Variants in ANO10 observed in about 807,000 individuals in gnomAD.
ANO10 encodes the protein anoctamin 10, also known as anoctamin-10.
ANO10 carries 77 observed loss-of-function variants against 74.7 expected under a neutral mutation model. The observed-to-expected ratio is 1.03, with a 90% CI of 0.86 to 1.25. ANO10 has a LOEUF of 1.25. Among genes scored for constraint, ANO10 ranks in the 50% most tolerant of loss-of-function variants. The pLI is 0.00. For synonymous variants in ANO10, 279 were observed against 284.9 expected (o/e 0.98, Z 0.21); for missense variants, 721 against 778.1 (o/e 0.93, Z 0.87).
At chr3:43,553,794 C>CA (rs1446983297) in intron 10 of ANO10, among the ~76,000 whole-genome samples, 1 of 152,152 alleles carries the variant, frequency 6.6e-6, no homozygotes, top group Admixed American at 6.5e-5. Flanking sequence ...CTTGGCCTCC[C>CA]AAAGTGCTGG....
At chr3:43,507,153 C>T (rs1034548940) in intron 11 of ANO10, among the ~76,000 whole-genome samples, 1 of 152,174 alleles carries the variant, frequency 6.6e-6, no homozygotes, top group East Asian at 1.9e-4. Context: ...ATCTTTTTAT[C>T]TACCCAAGAG....
At chr3:43,665,082 T>G (rs554327527) in intron 1 of ANO10, among the ~76,000 whole-genome samples, 1 of 152,324 alleles carries the variant, frequency 6.6e-6, no homozygotes, top group African/African-American at 2.4e-5. Context: ...ACATGTATGT[T>G]TACTGTGGCA....
Position 43,368,638 on chromosome 3 carries a change from G to C in ANO10, c.1915-1664C>G, listed in dbSNP as rs566880508. On this transcript the variant is annotated intron_variant, in intron 12 of 12. Coordinates refer to ENST00000292246, the MANE Select transcript of ANO10 (RefSeq NM_018075.5). ...AATATTTCAGCCCAGGTTCACTGCA[G>C]ACTCTTCTAGCTGTTATCATTTAAT... 3.3e-5 allele frequency among the ~76,000 whole-genome samples: 5 copies of C among 151,606 alleles called. No homozygotes were observed. The South Asian group carries it at 1.0e-3, about 32-fold the overall frequency.
At chr3:43,685,278 T>C (rs1290133929) in intron 1 of ANO10, among the ~76,000 whole-genome samples, 3 of 152,222 alleles carry the variant, frequency 2.0e-5, no homozygotes, top group Admixed American at 2.0e-4. Context: ...TTATCAATTT[T>C]ATTAATCCCA....
chr3:43,517,525 A>G (rs2077760377), intron 11 of ANO10, among the ~76,000 whole-genome samples: 1 of 152,164 alleles, frequency 6.6e-6, no homozygotes, highest in Non-Finnish European at 1.5e-5. Context: ...TAGGACTATC[A>G]TCCTTACATG....
At chr3:43,399,255 G>A (rs1249130897) in intron 12 of ANO10, among the ~76,000 whole-genome samples, 3 of 152,180 alleles carry the variant, frequency 2.0e-5, no homozygotes, top group Non-Finnish European at 4.4e-5. Context: ...TCTATTATGA[G>A]TCATTTCTAA....
chr3:43,467,050 T>C lies in ANO10; in HGVS notation c.1798-34323A>G, dbSNP rs577278160. Among the ~76,000 whole-genome samples, 9 of 152,260 alleles carry C rather than the reference T, an allele frequency of 5.9e-5. No individual in the cohort carries two copies. The South Asian group carries it at 1.9e-3, about 32-fold the overall frequency. On this transcript the variant is annotated intron_variant, in intron 11 of 12. Coordinates refer to ENST00000292246, the MANE Select transcript of ANO10 (RefSeq NM_018075.5). ...AACTAAAATCACAATGAAATATCAA[T>C]GCATCTATCAGAATGGCTAAAAAAA...
chr3:43,397,919 T>C (rs2092412461), intron 12 of ANO10, among the ~76,000 whole-genome samples: 1 of 152,210 alleles, frequency 6.6e-6, no homozygotes, highest in Non-Finnish European at 1.5e-5. Flanking sequence ...GATTCACGTA[T>C]TTTGTCTGTT....
intron 12 of ANO10, among the ~76,000 whole-genome samples, chr3:43,368,493 G>A (rs1193575298): frequency 1.3e-5 from 2 of 152,122 alleles, no homozygotes; most frequent in African/African-American, 2.4e-5. Flanking sequence ...GCTAGGCACT[G>A]TAAAAGTCTC....
intron 12 of ANO10, among the ~76,000 whole-genome samples, chr3:43,431,118 GC>G (rs1406456431): frequency 6.6e-6 from 1 of 150,880 alleles, no homozygotes; most frequent in African/African-American, 2.4e-5. Context: ...TGTTACCCAG[GC>G]GGGAGTGCAG....
At chr3:43,664,923 G>T (rs954375435) in intron 1 of ANO10, among the ~76,000 whole-genome samples, 1 of 149,230 alleles carries the variant, frequency 6.7e-6, no homozygotes, top group African/African-American at 2.5e-5. Context: ...CTTTTACACT[G>T]TTGGGAGTGT....
chr3:43,461,680 T>C (rs573269882), intron 11 of ANO10, among the ~76,000 whole-genome samples: 5 of 152,230 alleles, frequency 3.3e-5, no homozygotes, highest in Non-Finnish European at 5.9e-5. Context: ...CCTTGCCTTC[T>C]GCCATGATCA....
chr3:43,406,255 A>G (rs1372638821), intron 12 of ANO10, among the ~76,000 whole-genome samples: 1 of 152,202 alleles, frequency 6.6e-6, no homozygotes, highest in Non-Finnish European at 1.5e-5. Flanking sequence ...CTGTATCTTG[A>G]GCAGACTGTA....
At chr3:43,378,965 C>T (rs2091887552) in intron 12 of ANO10, among the ~76,000 whole-genome samples, 1 of 152,200 alleles carries the variant, frequency 6.6e-6, no homozygotes. Context: ...CTTCCCAACA[C>T]CTTTCATTTC....
chr3:43,372,811 A>T (rs1334003458), intron 12 of ANO10: 2 of 1,534,378 alleles, frequency 1.3e-6, no homozygotes, highest in African/African-American at 2.7e-5. Context: ...GTGCTCCATG[A>T]ATACCGTGGA....
rs149900802 is a variant in ANO10 at position 43,600,291 on chromosome 3, T to C, written c.337+93A>G. 487 of 1,406,452 alleles carry C rather than the reference T, an allele frequency of 3.5e-4. 2 individuals are homozygous for C. In the African/African-American group the frequency reaches 5.8e-3, roughly 17 times the overall value. The allele number at this position is 1,406,452 out of a possible 1,614,324, so 87.1% of individuals were successfully genotyped here. On this transcript the variant is annotated intron_variant, in intron 3 of 12. Coordinates refer to ENST00000292246, the MANE Select transcript of ANO10 (RefSeq NM_018075.5). ...CCTAAAATATTTACTATTTGACCCT[T>C]TACTGAAAAAAGTTTGCTGATCCCT... is the stretch of plus-strand genomic sequence containing the variant.
intron 4 of ANO10, among the ~76,000 whole-genome samples, chr3:43,594,909 A>T (rs1438882154): frequency 6.6e-6 from 1 of 152,194 alleles, no homozygotes; most frequent in Non-Finnish European, 1.5e-5. Flanking sequence ...AAATAGACAC[A>T]ATAAAAAATG....
At chr3:43,462,885 T>C (rs1187155958) in intron 11 of ANO10, among the ~76,000 whole-genome samples, 1 of 152,202 alleles carries the variant, frequency 6.6e-6, no homozygotes, top group East Asian at 1.9e-4. Flanking sequence ...GCTCAGGCCA[T>C]GGCTTCAGAG....
chr3:43,477,704 G>T (rs1284602714), intron 11 of ANO10, among the ~76,000 whole-genome samples: 1 of 152,142 alleles, frequency 6.6e-6, no homozygotes, highest in Non-Finnish European at 1.5e-5. Context: ...CCCCTATACT[G>T]TCAGTCGACC....
Sources: gnomAD v4.1 joint callset for allele counts (sites outside exome capture counted in the v4.1 genomes callset) on GRCh38, gnomAD v4.1.1 for gene constraint, MANE v1.5 for transcripts, NCBI Gene and HGNC (gene_info 2026-07-23, HGNC 2026-07-21) for gene names.